IGF2BP2: variants seen among roughly 807,000 people sequenced by gnomAD.
IGF2BP2 encodes insulin-like growth factor 2 mRNA-binding protein 2.
Under a neutral mutation model 75.8 loss-of-function variants are expected in IGF2BP2, and 17 were observed. That is an observed-to-expected ratio of 0.22 (90% CI 0.15 to 0.34). The LOEUF is 0.34. Among genes scored for constraint, IGF2BP2 ranks in the 10% least tolerant of loss-of-function variants. IGF2BP2 has a pLI of 1.00. For synonymous variants in IGF2BP2, 288 were observed against 295.6 expected (o/e 0.97, Z 0.26); for missense variants, 516 against 772.4 (o/e 0.67, Z 3.93).
At chr3:185,698,493 T>C (rs1166166066) in intron 2 of IGF2BP2, 146 bp from the exon 3 acceptor site, 7 of 708,640 alleles carry the variant, frequency 9.9e-6, no homozygotes, top group Non-Finnish European at 1.4e-5. Flanking sequence ...CTGTGAATCA[T>C]GAGCATAGTT....
intron 12 of IGF2BP2, among the ~76,000 whole-genome samples, chr3:185,652,550 A>G (rs892182598): frequency 6.6e-6 from 1 of 152,164 alleles, no homozygotes; most frequent in Non-Finnish European, 1.5e-5. Flanking sequence ...AAAGGGAAGG[A>G]AGGGCAGGTC....
At position 185,658,264 on chromosome 3, in the gene IGF2BP2, T is replaced by C; in HGVS notation, c.1269+77A>G. 5 of 1,320,404 alleles carry C rather than the reference T, an allele frequency of 3.8e-6. No individual in the cohort carries two copies. In the South Asian group the frequency reaches 5.9e-5, roughly 16 times the overall value. The allele number at this position is 1,320,404 out of a possible 1,614,324, so 81.8% of individuals were successfully genotyped here. ...GGAGACAAGATCTGCATTGTGAACA[T>C]TCACTGGCCACCAAGGGCCAAGTGG... On this transcript the variant is annotated intron_variant, in intron 11 of 15. Coordinates refer to ENST00000382199, the MANE Select transcript of IGF2BP2 (RefSeq NM_006548.6).
At chr3:185,704,311 T>C (rs1723711998) in intron 2 of IGF2BP2, among the ~76,000 whole-genome samples, 2 of 152,154 alleles carry the variant, frequency 1.3e-5, no homozygotes, top group African/African-American at 4.8e-5. Context: ...TCTTTCCTAT[T>C]CCTCATTAGT....
rs775035146 is a variant in IGF2BP2 at position 185,657,445 on chromosome 3, C to G, written c.1270-43G>C. ...GAAAGAAGACATCATTCCAACCAGG[C>G]TTTCTCCTCCAGGCACTCAACAGGT... On this transcript the variant is annotated intron_variant, in intron 11 of 15. Transcript: ENST00000382199. 2.0e-6 allele frequency: 3 copies of G among 1,471,224 alleles called. No homozygotes were observed. The South Asian group carries it at 3.5e-5, about 17-fold the overall frequency. 91.1% of individuals were successfully genotyped at this position (1,471,224 alleles called of 1,614,324 possible). A position where few individuals can be genotyped will look rare whatever the true frequency, so the allele number is the denominator to read the frequency against.
chr3:185,790,512 T>A (rs1736501685), intron 2 of IGF2BP2, among the ~76,000 whole-genome samples: 1 of 152,260 alleles, frequency 6.6e-6, no homozygotes, highest in East Asian at 1.9e-4. Flanking sequence ...ACAAAGAGAA[T>A]AACAAGAAAA....
rs1307384322 is a variant in IGF2BP2, at chr3:185,649,330, A to G, written c.1593+73T>C. 2.4e-5 allele frequency: 38 copies of G among 1,574,428 alleles called. No homozygotes were observed. The East Asian group carries it at 7.9e-4, about 33-fold the overall frequency. ...TTGGGACAGAAGGCGCCAAGGGGAGACTGAGGGAACTCAGGCAAGGCCAGA... is the reference window on the plus strand; with the variant it reads ...TTGGGACAGAAGGCGCCAAGGGGAGGCTGAGGGAACTCAGGCAAGGCCAGA... On this transcript the variant is annotated intron_variant, in intron 14 of 15. Coordinates refer to ENST00000382199, the MANE Select transcript of IGF2BP2 (RefSeq NM_006548.6).
chr3:185,734,803 T>C (rs992794239), intron 2 of IGF2BP2, among the ~76,000 whole-genome samples: 2 of 152,200 alleles, frequency 1.3e-5, no homozygotes, highest in Admixed American at 6.5e-5. Context: ...CACTAGAGTA[T>C]AGAGGTCAAG....
intron 2 of IGF2BP2, among the ~76,000 whole-genome samples, chr3:185,784,718 G>C (rs1735639277): frequency 6.6e-6 from 1 of 152,240 alleles, no homozygotes; most frequent in Non-Finnish European, 1.5e-5. Context: ...GGGTCTGTGA[G>C]AGGGCAAGCT....
At chr3:185,744,625 T>C (rs964048693) in intron 2 of IGF2BP2, among the ~76,000 whole-genome samples, 3 of 152,136 alleles carry the variant, frequency 2.0e-5, no homozygotes, top group Non-Finnish European at 2.9e-5. Context: ...CTGGCCAACA[T>C]GGTGAAACCC....
intron 2 of IGF2BP2, chr3:185,713,451 T>C (rs958172935): frequency 1.5e-5 from 8 of 519,846 alleles, no homozygotes; most frequent in Middle Eastern, 3.2e-4. Flanking sequence ...TAGATAACTG[T>C]CTAAGGCCCT....
rs1713625479 is a variant in IGF2BP2, at chr3:185,646,731, T to C, written c.1707+294A>G. 3.8e-5 allele frequency: 14 copies of C among 368,510 alleles called. No individual in the cohort carries two copies. The South Asian group carries it at 4.5e-4, about 12-fold the overall frequency. 22.8% of individuals were successfully genotyped at this position (368,510 alleles called of 1,614,324 possible). A position where few individuals can be genotyped will look rare whatever the true frequency, so the allele number is the denominator to read the frequency against. On this transcript the variant is annotated intron_variant, in intron 15 of 15. Transcript: ENST00000382199. ...GAGAGGGTGAGGGAAGCTGAGGCCA[T>C]GCCCTTAAACACTGCAGGGGGCTTG...
chr3:185,651,068 C>G (rs1714514701), intron 13 of IGF2BP2, among the ~76,000 whole-genome samples: 1 of 151,986 alleles, frequency 6.6e-6, no homozygotes, highest in Non-Finnish European at 1.5e-5. Flanking sequence ...GCTACCACAC[C>G]CAGCTACTTT....
At chr3:185,779,871 T>C (rs1734985794) in intron 2 of IGF2BP2, among the ~76,000 whole-genome samples, 1 of 152,216 alleles carries the variant, frequency 6.6e-6, no homozygotes, top group African/African-American at 2.4e-5. Flanking sequence ...AGGTATATGA[T>C]TTAAGACTTA....
rs566025802 is a variant in IGF2BP2, at chr3:185,675,907, T to C, written c.819A>G (p.Glu273=). Residue 273 remains glutamate (E), a synonymous_variant, in exon 8 of 16, where the codon GAA becomes GAG. Coordinates refer to ENST00000382199, the MANE Select transcript of IGF2BP2 (RefSeq NM_006548.6). ...GTGCCAAGATTTTCAGAGGAATCTC[T>C]TCGGCTCTAAAAGAGACAAGCAGCA... ...QKEADETKLA[E]EIPLKILAHN... 4 of 1,614,016 alleles carry C rather than the reference T, an allele frequency of 2.5e-6. No homozygotes were observed. Among genetic ancestry groups the C allele is most frequent in the Admixed American group, 1.7e-5 (1 of 60,016 alleles).
chr3:185,738,749 G>A (rs931639818), intron 2 of IGF2BP2, among the ~76,000 whole-genome samples: 2 of 152,136 alleles, frequency 1.3e-5, no homozygotes, highest in Non-Finnish European at 2.9e-5. Context: ...CCAACAAAGG[G>A]CACAAGATCA....
intron 2 of IGF2BP2, among the ~76,000 whole-genome samples, chr3:185,782,606 G>A (rs1735356330): frequency 6.6e-6 from 1 of 151,998 alleles, no homozygotes; most frequent in Admixed American, 6.6e-5. Flanking sequence ...CTTACAAGGT[G>A]GTCACCAAAA....
At chr3:185,695,276 G>T (rs1722435641) in intron 4 of IGF2BP2, among the ~76,000 whole-genome samples, 1 of 152,166 alleles carries the variant, frequency 6.6e-6, no homozygotes, top group Non-Finnish European at 1.5e-5. Context: ...TAGCAGAATA[G>T]ATCATATACA....
At chr3:185,780,342 C>T (rs749003407) in intron 2 of IGF2BP2, among the ~76,000 whole-genome samples, 16 of 152,134 alleles carry the variant, frequency 1.1e-4, no homozygotes, top group Non-Finnish European at 2.1e-4. Context: ...AAGGAGAATA[C>T]ATCACTTATC....
intron 4 of IGF2BP2, among the ~76,000 whole-genome samples, chr3:185,695,231 C>T (rs1361814559): frequency 1.3e-5 from 2 of 152,190 alleles, no homozygotes; most frequent in Non-Finnish European, 2.9e-5. Flanking sequence ...TGAATAATAT[C>T]TGAATAATTA....
Sources: allele counts gnomAD v4.1 joint callset (sites outside exome capture counted in the v4.1 genomes callset), GRCh38; gene constraint gnomAD v4.1.1; transcripts MANE v1.5; gene names NCBI Gene and HGNC (gene_info 2026-07-23, HGNC 2026-07-21).